XPR1: variants seen among roughly 807,000 people sequenced by gnomAD.
XPR1 encodes solute carrier family 53 member 1.
XPR1 carries 28 observed loss-of-function variants against 87.5 expected under a neutral mutation model. That is an observed-to-expected ratio of 0.32 (90% CI 0.24 to 0.44). The LOEUF (loss-of-function observed/expected upper bound fraction) is 0.44, where lower values mean the gene tolerates loss of function less well. XPR1 is among the 20% of genes least tolerant of loss of function. The pLI, the probability that XPR1 is intolerant of heterozygous loss-of-function variation, is 1.00. For missense variants in XPR1, 559 were observed against 862.3 expected (o/e 0.65, Z 4.41); for synonymous variants, 300 against 306.1 (o/e 0.98, Z 0.21).
chr1:180,799,434 G>A (rs1416127765), intron 3 of XPR1, among the ~76,000 whole-genome samples: 1 of 152,038 alleles, frequency 6.6e-6, no homozygotes, highest in East Asian at 1.9e-4. Context: ...TTTTCTATTA[G>A]GCCATCTATT....
intron 1 of XPR1, among the ~76,000 whole-genome samples, chr1:180,669,728 A>G (rs1191868188): frequency 1.3e-5 from 2 of 152,208 alleles, no homozygotes; most frequent in Non-Finnish European, 2.9e-5. Flanking sequence ...ACTTGAAACC[A>G]TGGATAGTAC....
chr1:180,788,305 T>C (rs902527930), intron 3 of XPR1, among the ~76,000 whole-genome samples: 1 of 152,220 alleles, frequency 6.6e-6, no homozygotes, highest in African/African-American at 2.4e-5. Context: ...AATGTGAGAA[T>C]AAAATATTGG....
rs568089469 is a variant in XPR1, at chr1:180,811,212, T to G, written c.682-195T>G. On this transcript the variant is annotated intron_variant, in intron 6 of 14. Transcript: ENST00000367590. ...GACACAGATTTCTATAAAAAAAAGC[T>G]TGATTAATTGGCAACTTGAATAGTA... 5.1e-4 allele frequency among the ~76,000 whole-genome samples: 77 copies of G among 152,240 alleles called. 1 individual carries two copies. In the Middle Eastern group the frequency reaches 0.01, roughly 20 times the overall value.
At chr1:180,837,763 A>AGAGGGGCAAGGAG (rs1651351500) in intron 11 of XPR1, among the ~76,000 whole-genome samples, 1 of 152,194 alleles carries the variant, frequency 6.6e-6, no homozygotes, top group Non-Finnish European at 1.5e-5. Context: ...CAAAGTTCCC[A>AGAGGGGCAAGGAG]TAATTTTAAC....
intron 1 of XPR1, among the ~76,000 whole-genome samples, chr1:180,657,752 A>T (rs1321420901): frequency 1.3e-5 from 2 of 152,058 alleles, no homozygotes; most frequent in African/African-American, 4.8e-5. Flanking sequence ...TTTGCTCAGG[A>T]TTGCTTTGGC....
chr1:180,877,262 T>C (rs959489094), intron 13 of XPR1, among the ~76,000 whole-genome samples: 1 of 152,234 alleles, frequency 6.6e-6, no homozygotes, highest in Admixed American at 6.5e-5. Context: ...AGACTTATAC[T>C]GTCAGATATC....
chr1:180,797,082 T>A (rs960932918), intron 3 of XPR1, among the ~76,000 whole-genome samples: 3 of 152,164 alleles, frequency 2.0e-5, no homozygotes, highest in Non-Finnish European at 4.4e-5. Flanking sequence ...AAAATTGGAT[T>A]TTTATGATGA....
chr1:180,681,601 G>A (rs1315320779), intron 1 of XPR1, among the ~76,000 whole-genome samples: 1 of 152,170 alleles, frequency 6.6e-6, no homozygotes, highest in Non-Finnish European at 1.5e-5. Flanking sequence ...AGCTGAGATC[G>A]TGCCACTGCA....
intron 2 of XPR1, among the ~76,000 whole-genome samples, chr1:180,727,517 G>A (rs1371848816): frequency 6.6e-6 from 1 of 152,132 alleles, no homozygotes; most frequent in East Asian, 1.9e-4. Flanking sequence ...GGTGGCAGAT[G>A]CCTGTAATGC....
intron 2 of XPR1, among the ~76,000 whole-genome samples, chr1:180,772,908 TATCTATTTGCATATA>T (rs1648574824): frequency 1.3e-5 from 2 of 152,218 alleles, no homozygotes; most frequent in African/African-American, 4.8e-5. Flanking sequence ...TGTATTTCTA[TATCTATTTGCATATA>T]TATTAACAAC....
At chr1:180,717,693 T>C (rs556495099) in intron 2 of XPR1, among the ~76,000 whole-genome samples, 13 of 152,308 alleles carry the variant, frequency 8.5e-5, no homozygotes, top group African/African-American at 2.9e-4. Context: ...AGTGGCACGC[T>C]GGAACTGTCT....
intron 2 of XPR1, among the ~76,000 whole-genome samples, chr1:180,694,618 T>C (rs1232191653): frequency 6.6e-6 from 1 of 151,104 alleles, no homozygotes; most frequent in Non-Finnish European, 1.5e-5. Flanking sequence ...ATCAATGTAT[T>C]CCCCTTCCCC....
chr1:180,715,376 T>G (rs1263925290), intron 2 of XPR1, among the ~76,000 whole-genome samples: 1 of 152,184 alleles, frequency 6.6e-6, no homozygotes, highest in South Asian at 2.1e-4. Flanking sequence ...ATAACGAATC[T>G]TGGACTCATA....
chr1:180,771,050 C>T (rs1648493538), intron 2 of XPR1, among the ~76,000 whole-genome samples: 1 of 152,186 alleles, frequency 6.6e-6, no homozygotes, highest in Admixed American at 6.5e-5. Flanking sequence ...CTTCTAATTA[C>T]TTCTTTACGT....
intron 3 of XPR1, among the ~76,000 whole-genome samples, chr1:180,791,584 T>TA (rs201299102): frequency 1.6e-3 from 241 of 146,434 alleles, no homozygotes; most frequent in African/African-American, 5.2e-3. Flanking sequence ...TGAGTTATAG[T>TA]AAAAAAAAAT....
At chr1:180,678,599 C>T (rs1183982668) in intron 1 of XPR1, among the ~76,000 whole-genome samples, 1 of 152,162 alleles carries the variant, frequency 6.6e-6, no homozygotes, top group East Asian at 1.9e-4. Flanking sequence ...AATTTTTGTA[C>T]ATCATACATC....
chr1:180,821,924 A>G (rs967690011), intron 7 of XPR1, among the ~76,000 whole-genome samples: 8 of 152,072 alleles, frequency 5.3e-5, no homozygotes, highest in African/African-American at 1.9e-4. Flanking sequence ...TAGTAGTTTT[A>G]TTGTGGATTC....
At chr1:180,732,191 T>TAA (rs1658576959) in intron 2 of XPR1, among the ~76,000 whole-genome samples, 1 of 51,444 alleles carries the variant, frequency 1.9e-5, no homozygotes, top group African/African-American at 1.6e-4. Flanking sequence ...AGACTCCATC[T>TAA]CAAAAAAAAA....
intron 7 of XPR1, among the ~76,000 whole-genome samples, chr1:180,818,253 A>G (rs922845228): frequency 2.0e-5 from 3 of 152,004 alleles, no homozygotes; most frequent in African/African-American, 7.2e-5. Flanking sequence ...ATGTTCCTTT[A>G]AAGAAAAGTG....
Sources: allele counts gnomAD v4.1 joint callset (sites outside exome capture counted in the v4.1 genomes callset), GRCh38; gene constraint gnomAD v4.1.1; transcripts MANE v1.5; gene names NCBI Gene and HGNC (gene_info 2026-07-23, HGNC 2026-07-21).